Variants in ERBB4 observed in about 807,000 individuals in gnomAD.
The protein encoded by ERBB4 is erb-b2 receptor tyrosine kinase 4.
Under a neutral mutation model 158.0 loss-of-function variants are expected in ERBB4, and 42 were observed. The ratio of observed to expected loss-of-function variants is 0.27; its 90% CI spans 0.21 to 0.34. The LOEUF is 0.34. Ranked by LOEUF, ERBB4 falls within the 10% of genes least tolerant of loss-of-function variation. The pLI, the probability that ERBB4 is intolerant of heterozygous loss-of-function variation, is 1.00. For missense variants in ERBB4, 1,333 were observed against 1,624.1 expected (o/e 0.82, Z 3.08); for synonymous variants, 583 against 558.7 (o/e 1.04, Z -0.61).
At chr2:212,191,569 CAT>C (rs1345002233) in intron 1 of ERBB4, among the ~76,000 whole-genome samples, 4 of 22,956 alleles carry the variant, frequency 1.7e-4, no homozygotes, top group African/African-American at 5.1e-4. Flanking sequence ...ATATATAACA[CAT>C]GTGTTATGCC....
chr2:212,179,408 T>C (rs747938162), intron 1 of ERBB4, among the ~76,000 whole-genome samples: 2 of 150,870 alleles, frequency 1.3e-5, no homozygotes, highest in African/African-American at 2.4e-5. Flanking sequence ...AAGAATAGGC[T>C]ATAGTTCTTA....
At chr2:211,648,414 T>A (rs2070860407) in intron 16 of ERBB4, among the ~76,000 whole-genome samples, 1 of 151,790 alleles carries the variant, frequency 6.6e-6, no homozygotes, top group Non-Finnish European at 1.5e-5. Flanking sequence ...TCTCTTTCCC[T>A]ACACAATGGA....
rs372239263 is a variant in ERBB4 at position 212,125,525 on chromosome 2, A to T, written c.83-622T>A. Among the ~76,000 whole-genome samples the T allele has an allele frequency of 5.9e-5, 9 of 152,260 alleles. No individual in the cohort carries two copies. In the East Asian group the frequency reaches 1.2e-3, roughly 20 times the overall value. ...AGATTATTTCATCACCCAGCTATTA[A>T]GCCTAGAACCCATTAGTTATTTTTC... On this transcript the variant is annotated intron_variant, in intron 1 of 27. Coordinates refer to ENST00000342788, the MANE Select transcript of ERBB4 (RefSeq NM_005235.3).
chr2:211,392,596 ACACACC>A (rs1358178557), intron 25 of ERBB4, among the ~76,000 whole-genome samples: 125 of 142,452 alleles, frequency 8.8e-4, no homozygotes, highest in African/African-American at 2.4e-3. Context: ...ACACACACAC[ACACACC>A]CCAATAATGA....
chr2:211,631,069 T>G (rs2070104824), intron 16 of ERBB4, among the ~76,000 whole-genome samples: 1 of 152,148 alleles, frequency 6.6e-6, no homozygotes, highest in African/African-American at 2.4e-5. Flanking sequence ...AATACCAGTT[T>G]GTTGTCGCGA....
rs190228194 is a variant in ERBB4 at position 211,899,532 on chromosome 2, T to A, written c.421+47898A>T. Among the ~76,000 whole-genome samples, 372 of 152,250 alleles carry A rather than the reference T, an allele frequency of 2.4e-3. 3 individuals are homozygous for A. Among genetic ancestry groups the A allele is most frequent in the Middle Eastern group, 0.01 (3 of 294 alleles). On this transcript the variant is annotated intron_variant, in intron 3 of 27. Coordinates refer to ENST00000342788, the MANE Select transcript of ERBB4 (RefSeq NM_005235.3). ...ACCAATCACAAAGTAATTTATTAAA[T>A]TTTTAAAGTAATACTTTCTTGTCAA...
intron 3 of ERBB4, among the ~76,000 whole-genome samples, chr2:211,839,119 A>AAG (rs901090068): frequency 2.7e-5 from 4 of 146,810 alleles, no homozygotes; most frequent in East Asian, 4.1e-4. Context: ...GAAAGAAATA[A>AAG]AGAGAGAGAG....
chr2:212,520,646 T>G lies in ERBB4; in HGVS notation c.82+17803A>C, dbSNP rs1274762551. 4.6e-5 allele frequency among the ~76,000 whole-genome samples: 7 copies of G among 152,078 alleles called. No individual in the cohort carries two copies. The East Asian group carries it at 1.2e-3, about 25-fold the overall frequency. ...TTTCATTGTTAAATTTGTTCTTATC[T>G]TTTGCAAAAATGAAGAATTCACAGC... On this transcript the variant is annotated intron_variant, in intron 1 of 27. Coordinates refer to ENST00000342788, the MANE Select transcript of ERBB4 (RefSeq NM_005235.3).
intron 20 of ERBB4, among the ~76,000 whole-genome samples, chr2:211,431,569 C>CA (rs1367641320): frequency 6.6e-6 from 1 of 152,020 alleles, no homozygotes; most frequent in African/African-American, 2.4e-5. Flanking sequence ...TTAATGGTGC[C>CA]AAAATCACCA....
intron 3 of ERBB4, among the ~76,000 whole-genome samples, chr2:211,799,235 T>A (rs559586296): frequency 6.5e-4 from 99 of 152,268 alleles, no homozygotes; most frequent in African/African-American, 2.3e-3. Context: ...CACCACCCAA[T>A]CATTTTCTCC....
At chr2:211,710,175 C>A (rs2073640576) in intron 9 of ERBB4, among the ~76,000 whole-genome samples, 1 of 151,862 alleles carries the variant, frequency 6.6e-6, no homozygotes, top group South Asian at 2.1e-4. Context: ...GAATGTTGTG[C>A]CTGATAAGGA....
chr2:211,776,311 G>A (rs1190408883), intron 4 of ERBB4, among the ~76,000 whole-genome samples: 1 of 152,252 alleles, frequency 6.6e-6, no homozygotes, highest in East Asian at 1.9e-4. Flanking sequence ...TGTGGTGGCT[G>A]GCATGAAGTT....
At chr2:212,511,482 T>C (rs73069033) in intron 1 of ERBB4, among the ~76,000 whole-genome samples, 4,946 of 152,296 alleles carry the variant, frequency 0.032, 279 homozygotes, top group African/African-American at 0.11. Flanking sequence ...ACAATGAAAT[T>C]ATATTATTGT....
At chr2:212,190,405 C>T (rs1038446939) in intron 1 of ERBB4, among the ~76,000 whole-genome samples, 1 of 152,018 alleles carries the variant, frequency 6.6e-6, no homozygotes, top group Non-Finnish European at 1.5e-5. Context: ...GGCGTGGTGG[C>T]AGGTGCCTGT....
rs190797623 is a variant in ERBB4, at chr2:211,462,853, T to G, written c.2488-31753A>C. Among the ~76,000 whole-genome samples, 41 of 152,310 alleles carry G rather than the reference T, an allele frequency of 2.7e-4. No individual in the cohort carries two copies. In the East Asian group the frequency reaches 4.8e-3, roughly 18 times the overall value. On this transcript the variant is annotated intron_variant, in intron 20 of 27. Coordinates refer to ENST00000342788, the MANE Select transcript of ERBB4 (RefSeq NM_005235.3). Reference sequence around the variant, plus strand: ...ATTATACTAGAGTTCAAAATCAATGTTTTTGTTTCTCTTCAATCCAACCTC... The same window carrying G: ...ATTATACTAGAGTTCAAAATCAATGGTTTTGTTTCTCTTCAATCCAACCTC...
At chr2:212,504,506 A>C (rs1178690625) in intron 1 of ERBB4, among the ~76,000 whole-genome samples, 2 of 152,106 alleles carry the variant, frequency 1.3e-5, no homozygotes, top group Non-Finnish European at 2.9e-5. Context: ...AATAGAAAAA[A>C]AAAATTTTCG....
chr2:211,913,619 ATGTGTGTGTGTGTGTGTGTG>A (rs34762084), intron 3 of ERBB4, among the ~76,000 whole-genome samples: 4 of 132,746 alleles, frequency 3.0e-5, no homozygotes, highest in African/African-American at 8.7e-5. Flanking sequence ...ATATATATAT[ATGTGTGTGTGTGTGTGTGTG>A]TGTGTGTGTG....
intron 2 of ERBB4, among the ~76,000 whole-genome samples, chr2:212,114,675 G>T (rs571829294): frequency 6.6e-6 from 1 of 152,146 alleles, no homozygotes; most frequent in Non-Finnish European, 1.5e-5. Flanking sequence ...CATTGCTTCT[G>T]CGAAATGATG....
intron 16 of ERBB4, among the ~76,000 whole-genome samples, chr2:211,653,203 T>C (rs2071069075): frequency 1.3e-5 from 2 of 152,160 alleles, no homozygotes; most frequent in Admixed American, 1.3e-4. Flanking sequence ...TCAAATAAGG[T>C]AAGTAGGGAG....
Sources: gnomAD v4.1 joint callset for allele counts (sites outside exome capture counted in the v4.1 genomes callset) on GRCh38, gnomAD v4.1.1 for gene constraint, MANE v1.5 for transcripts, NCBI Gene and HGNC (gene_info 2026-07-23, HGNC 2026-07-21) for gene names.